KIF7: variants seen among roughly 807,000 people sequenced by gnomAD.
KIF7 encodes kinesin family member 7.
KIF7 carries 104 observed loss-of-function variants against 135.7 expected under a neutral mutation model. The ratio of observed to expected loss-of-function variants is 0.77; its 90% CI spans 0.65 to 0.90. KIF7 has a LOEUF of 0.90. Ranked by LOEUF, KIF7 falls within the 40% of genes least tolerant of loss-of-function variation. The probability of loss-of-function intolerance (pLI) is 0.00; values close to 1 mark genes in which losing one functional copy is unlikely to be tolerated. For missense variants in KIF7, 2,005 were observed against 1,839.1 expected, an observed-to-expected ratio of 1.09 and a Z score of -1.65; for synonymous variants, 883 against 809.4, an observed-to-expected ratio of 1.09 and a Z score of -1.54.
chr15:89,627,068 C>G (rs1410804226), downstream of KIF7: 4 of 1,614,108 alleles, frequency 2.5e-6, no homozygotes, highest in Non-Finnish European at 3.4e-6. Flanking sequence ...TCATGGGAAC[C>G]TGGCTGGAGG....
rs550682640 is a variant in KIF7, at chr15:89,620,980, C to T, written c.181-2785G>A. On this transcript the variant is annotated intron_variant and NMD_transcript_variant, in intron 1 of 2. Transcript: ENST00000558928. ...TAGTGATCTGCCCGCCTCAGCCTCC[C>T]AAAGTGCTGGGATTACAGGCGTGAG... Among the ~76,000 whole-genome samples the T allele has an allele frequency of 3.3e-5, 5 of 151,514 alleles. No homozygotes were observed. In the South Asian group the frequency reaches 8.3e-4, roughly 25 times the overall value.
At chr15:89,648,902 C>T in intron 4 of KIF7, 72 bp downstream of exon 4, 4 of 1,463,422 alleles carry the variant, frequency 2.7e-6, no homozygotes, top group Non-Finnish European at 3.6e-6. Context: ...TGGGCTTCCA[C>T]CCCCACTGGT....
chr15:89,629,294 G>A, intron 17 of KIF7, 81 bp downstream of exon 17: 1 of 1,209,250 alleles, frequency 8.3e-7, no homozygotes, highest in East Asian at 2.9e-5. Flanking sequence ...TGGGGGGAGG[G>A]AGGGGGGTGC....
intron 12 of KIF7, 122 bp from the exon 13 acceptor site, chr15:89,633,388 C>A: frequency 7.7e-7 from 1 of 1,303,108 alleles, no homozygotes; most frequent in Non-Finnish European, 1.1e-6. Flanking sequence ...CGAAGTGTCC[C>A]CCAGACCCAT....
At position 89,628,773 on chromosome 15, in the gene KIF7, C is replaced by T. The variant is rs149061204; in HGVS notation, c.3678G>A (p.Arg1226=). 1.9e-6 allele frequency: 3 copies of T among 1,611,912 alleles called. No individual in the cohort carries two copies. Among genetic ancestry groups the T allele is most frequent in the African/African-American group, 2.7e-5 (2 of 74,934 alleles). The change falls in exon 19 of 19, where the codon AGG becomes AGA. Residue 1226 remains arginine, a synonymous_variant. Coordinates refer to ENST00000394412, the MANE Select transcript of KIF7 (RefSeq NM_198525.3). ...AVGHSRGGEK[R]SLCSEGRQAP... ...CCTGTCTGCCCTCCGAGCACAGGCTCCTCTTCTCCCCACCTGTCATGGAGA... is the reference window on the plus strand; with the variant it reads ...CCTGTCTGCCCTCCGAGCACAGGCTTCTCTTCTCCCCACCTGTCATGGAGA...
chr15:89,625,274 G>C (rs770191467), downstream of KIF7: 1 of 1,613,754 alleles, frequency 6.2e-7, no homozygotes, highest in Admixed American at 1.7e-5. Context: ...GGCCCTTCTA[G>C]TACCCCCTCT....
rs1963646421 is a variant in KIF7, at chr15:89,630,375, A to G, written c.3230T>C (p.Leu1077Pro). ...CATGAGGTTCATCTCGCACTGGGAC[A>G]GCAACGAGGCTGAGGCCCGAAGCAC... ...QRVLRASASLLSQCEMNLMAK... is the reference protein window; with the variant it reads ...QRVLRASASLPSQCEMNLMAK... The change falls in exon 16 of 19, where the codon CTG (leucine) becomes CCG (proline). Residue 1077 changes from leucine (L) to proline (P), a missense_variant. Leu to Pro is a moderately conservative substitution (Grantham distance 98, BLOSUM62 -3). Coordinates refer to ENST00000394412, the MANE Select transcript of KIF7 (RefSeq NM_198525.3). 1 of 1,614,026 alleles carries G rather than the reference A, an allele frequency of 6.2e-7. No individual in the cohort carries two copies. The highest frequency in any genetic ancestry group is 8.5e-7 in the Non-Finnish European group (1 of 1,179,996).
At chr15:89,656,523 TCA>T (rs148657254), upstream of KIF7, among the ~76,000 whole-genome samples, 1,185 of 152,146 alleles carry the variant, frequency 7.8e-3, 17 homozygotes, top group African/African-American at 0.027. Context: ...CTAATCACTG[TCA>T]AGGGGATGGA....
chr15:89,618,246 A>G (rs1963367376), intron 1 of KIF7: 1 of 1,591,504 alleles, frequency 6.3e-7, no homozygotes, highest in Non-Finnish European at 8.6e-7. Context: ...AATGCAATCT[A>G]CCCAGCTTCT....
At chr15:89,618,914 G>A (rs975903965) in intron 1 of KIF7, among the ~76,000 whole-genome samples, 1 of 152,188 alleles carries the variant, frequency 6.6e-6, no homozygotes, top group South Asian at 2.1e-4. Flanking sequence ...AGCTATGATC[G>A]TGCCTCTGCA....
At chr15:89,639,260 G>A (rs1312972615) in intron 11 of KIF7, among the ~76,000 whole-genome samples, 1 of 152,106 alleles carries the variant, frequency 6.6e-6, no homozygotes, top group Non-Finnish European at 1.5e-5. Flanking sequence ...AACACCAAAC[G>A]CAATGGCAAC....
chr15:89,657,443 T>G (rs1177030737), upstream of KIF7, among the ~76,000 whole-genome samples: 2 of 152,146 alleles, frequency 1.3e-5, no homozygotes, highest in Non-Finnish European at 2.9e-5. Context: ...GGTGGAACTA[T>G]CAATGTTCAT....
At chr15:89,647,123 G>A in intron 6 of KIF7, 66 bp from the exon 7 acceptor site, 1 of 1,405,450 alleles carries the variant, frequency 7.1e-7, no homozygotes, top group Non-Finnish European at 9.7e-7. Flanking sequence ...GTAGGAAACT[G>A]AGGAACAGGT....
At chr15:89,622,570 C>G (rs903621002) in intron 1 of KIF7, among the ~76,000 whole-genome samples, 1 of 152,164 alleles carries the variant, frequency 6.6e-6, no homozygotes, top group African/African-American at 2.4e-5. Context: ...CAGTAAATTG[C>G]TTGGAGGTTG....
At chr15:89,636,814 C>G (rs1963817867) in intron 11 of KIF7, among the ~76,000 whole-genome samples, 1 of 146,610 alleles carries the variant, frequency 6.8e-6, no homozygotes, top group Non-Finnish European at 1.5e-5. Context: ...GAACTCAGCT[C>G]TGCACCAAGC....
At position 89,629,142 on chromosome 15, in the gene KIF7, G is replaced by A; in HGVS notation, c.3518-20C>T. On this transcript the variant is annotated intron_variant, in intron 17 of 18. Transcript: ENST00000394412. Reference sequence around the variant, plus strand: ...GGTGGTCTAGAGTGGAAAGGTCGAGGAGAGGGTGGTGAGGGCTGCAGGCGG... The same window carrying A: ...GGTGGTCTAGAGTGGAAAGGTCGAGAAGAGGGTGGTGAGGGCTGCAGGCGG... 1 of 1,607,660 alleles carries A rather than the reference G, an allele frequency of 6.2e-7. No homozygotes were observed.
downstream of KIF7, chr15:89,625,925 G>A: frequency 6.4e-7 from 1 of 1,556,648 alleles, no homozygotes; most frequent in Non-Finnish European, 8.6e-7. Context: ...TACTATGTGG[G>A]ATCTCTTTAG....
downstream of KIF7, chr15:89,625,656 AGCTGAC>A: frequency 1.2e-6 from 2 of 1,613,742 alleles, no homozygotes; most frequent in Non-Finnish European, 1.7e-6. Context: ...CCAAGGAAGA[AGCTGAC>A]CGTGGAGCCA....
chr15:89,624,763 G>T (rs1026207241), downstream of KIF7: 2 of 1,614,104 alleles, frequency 1.2e-6, no homozygotes, highest in Non-Finnish European at 1.7e-6. Flanking sequence ...CGTCTTATCA[G>T]TGGAAGAGGG....
Sources: allele counts gnomAD v4.1 joint callset (sites outside exome capture counted in the v4.1 genomes callset), GRCh38; gene constraint gnomAD v4.1.1; transcripts MANE v1.5; gene names NCBI Gene and HGNC (gene_info 2026-07-23, HGNC 2026-07-21).